The following SCFD2 variants were observed in gnomAD, a reference collection of about 807,000 sequenced individuals.
The protein encoded by SCFD2 is sec1 family domain-containing protein 2.
A neutral mutation model predicts 58.9 loss-of-function variants in SCFD2; 54 were observed. The ratio of observed to expected loss-of-function variants is 0.92; its 90% confidence interval spans 0.74 to 1.15. SCFD2 has a LOEUF of 1.15. SCFD2 is among the 50% of genes most tolerant of loss of function. The pLI is 0.00. For missense variants in SCFD2, 805 were observed against 836.6 expected (o/e 0.96, Z 0.47); for synonymous variants, 321 against 335.9 (o/e 0.96, Z 0.49).
intron 2 of SCFD2, among the ~76,000 whole-genome samples, chr4:53,351,502 G>A (rs1175915642): frequency 1.3e-5 from 2 of 152,134 alleles, no homozygotes; most frequent in Non-Finnish European, 2.9e-5. Flanking sequence ...CCAACAAAAA[G>A]AGTGTTTGAA....
chr4:52,942,897 A>G (rs1352464048), intron 5 of SCFD2, among the ~76,000 whole-genome samples: 2 of 152,148 alleles, frequency 1.3e-5, no homozygotes, highest in Admixed American at 1.3e-4. Flanking sequence ...GAAAGCTTAT[A>G]GATAGCTAAG....
At chr4:53,077,017 C>A (rs1723996962) in intron 5 of SCFD2, among the ~76,000 whole-genome samples, 1 of 152,068 alleles carries the variant, frequency 6.6e-6, no homozygotes, top group Non-Finnish European at 1.5e-5. Flanking sequence ...TTTAAGCACC[C>A]AATGGTATCA....
chr4:53,049,526 T>C (rs1340173694), intron 5 of SCFD2, among the ~76,000 whole-genome samples: 2 of 152,230 alleles, frequency 1.3e-5, no homozygotes, highest in East Asian at 1.9e-4. Context: ...ATAGCCGAAG[T>C]AGGATTCAAA....
intron 8 of SCFD2, among the ~76,000 whole-genome samples, chr4:52,875,503 G>A (rs902625992): frequency 1.3e-5 from 2 of 151,912 alleles, no homozygotes; most frequent in Admixed American, 6.6e-5. Context: ...ACATGGCTAC[G>A]CTCCTTTGGA....
intron 1 of SCFD2, among the ~76,000 whole-genome samples, chr4:53,355,521 G>T (rs765783625): frequency 3.9e-5 from 6 of 152,078 alleles, no homozygotes; most frequent in Non-Finnish European, 7.4e-5. Flanking sequence ...AATCTCTTTA[G>T]TAACAGTAGC....
chr4:53,344,531 A>G (rs1425720480), intron 2 of SCFD2, among the ~76,000 whole-genome samples: 1 of 152,220 alleles, frequency 6.6e-6, no homozygotes, highest in East Asian at 1.9e-4. Flanking sequence ...TGCCCAAGGT[A>G]ATTTATAGAT....
intron 4 of SCFD2, among the ~76,000 whole-genome samples, chr4:53,234,439 C>G (rs1421981855): frequency 1.3e-5 from 2 of 152,008 alleles, no homozygotes; most frequent in Non-Finnish European, 2.9e-5. Context: ...ACAGTATCCC[C>G]CAGGTATTCT....
chr4:53,070,528 A>T (rs1255211740), intron 5 of SCFD2, among the ~76,000 whole-genome samples: 1 of 152,126 alleles, frequency 6.6e-6, no homozygotes, highest in Non-Finnish European at 1.5e-5. Context: ...GTAATAGATC[A>T]TAAGTAGATG....
chr4:53,164,358 G>C (rs913741099), intron 4 of SCFD2, among the ~76,000 whole-genome samples: 24 of 152,054 alleles, frequency 1.6e-4, no homozygotes, highest in Non-Finnish European at 1.6e-4. Flanking sequence ...CTCCCCTCAG[G>C]ACAACCTTGA....
chr4:53,251,196 C>G (rs550039154), intron 4 of SCFD2, among the ~76,000 whole-genome samples: 2 of 152,186 alleles, frequency 1.3e-5, no homozygotes, highest in Non-Finnish European at 2.9e-5. Flanking sequence ...GAAGTTGAAT[C>G]TCTGAATGGA....
intron 4 of SCFD2, among the ~76,000 whole-genome samples, chr4:53,200,654 A>G (rs1392080296): frequency 2.0e-5 from 3 of 152,136 alleles, no homozygotes; most frequent in African/African-American, 4.8e-5. Context: ...CTTTTCCTCT[A>G]TGAGGTAGAC....
chr4:53,278,704 C>T (rs1158768096), intron 3 of SCFD2, among the ~76,000 whole-genome samples: 1 of 152,084 alleles, frequency 6.6e-6, no homozygotes, highest in Non-Finnish European at 1.5e-5. Context: ...GTGTTCCTTG[C>T]AGATTTAGTA....
At chr4:52,940,297 A>G (rs950284080) in intron 5 of SCFD2, among the ~76,000 whole-genome samples, 3 of 152,024 alleles carry the variant, frequency 2.0e-5, no homozygotes, top group African/African-American at 7.2e-5. Context: ...GCTTGTTCCG[A>G]CTACACTCAG....
chr4:53,045,935 AT>A (rs1282044423), intron 5 of SCFD2, among the ~76,000 whole-genome samples: 3 of 152,008 alleles, frequency 2.0e-5, no homozygotes, highest in East Asian at 3.9e-4. Flanking sequence ...GAAAAAAAAA[AT>A]CTATAGCTTT....
chr4:53,338,771 G>C (rs541942189), intron 2 of SCFD2, among the ~76,000 whole-genome samples: 1 of 151,176 alleles, frequency 6.6e-6, no homozygotes, highest in African/African-American at 2.4e-5. Context: ...TAGTAGAGAC[G>C]GGGTTTCACC....
At chr4:53,229,153 C>T (rs1391996539) in intron 4 of SCFD2, among the ~76,000 whole-genome samples, 1 of 152,178 alleles carries the variant, frequency 6.6e-6, no homozygotes, top group Non-Finnish European at 1.5e-5. Flanking sequence ...ATCCCATGCT[C>T]ATGGCTAGGA....
At chr4:52,916,492 T>C (rs1719611149) in intron 6 of SCFD2, among the ~76,000 whole-genome samples, 1 of 152,322 alleles carries the variant, frequency 6.6e-6, no homozygotes, top group Non-Finnish European at 1.5e-5. Context: ...GAGAATCGCT[T>C]GAACCTGGGA....
intron 4 of SCFD2, among the ~76,000 whole-genome samples, chr4:53,243,694 A>G (rs1173416686): frequency 6.7e-6 from 1 of 150,182 alleles, no homozygotes; most frequent in East Asian, 2.1e-4. Context: ...CAAGCTGGAA[A>G]GAAAAAAAAA....
intron 4 of SCFD2, among the ~76,000 whole-genome samples, chr4:53,207,516 T>TATA (rs1491552207): frequency 6.8e-5 from 1 of 14,720 alleles, no homozygotes. Context: ...TTATATATAT[T>TATA]ATATATATAA....
Sources: gnomAD v4.1 joint callset for allele counts (sites outside exome capture counted in the v4.1 genomes callset) on GRCh38, gnomAD v4.1.1 for gene constraint, MANE v1.5 for transcripts, NCBI Gene and HGNC (gene_info 2026-07-23, HGNC 2026-07-21) for gene names.